Variants in SOX5 observed in about 807,000 individuals in gnomAD.
The protein encoded by SOX5 is transcription factor SOX-5.
Under a neutral mutation model 92.0 loss-of-function variants are expected in SOX5, and 9 were observed. The observed-to-expected ratio is 0.10, with a 90% CI of 0.06 to 0.17. The LOEUF (loss-of-function observed/expected upper bound fraction) is 0.17, where lower values mean the gene tolerates loss of function less well. SOX5 is among the 10% of genes least tolerant of loss of function. The pLI, the probability that SOX5 is intolerant of heterozygous loss-of-function variation, is 1.00. For missense variants in SOX5, 642 were observed against 944.5 expected, an observed-to-expected ratio of 0.68 and a Z score of 4.20; for synonymous variants, 344 against 336.3, an observed-to-expected ratio of 1.02 and a Z score of -0.25.
rs76835457 is a variant in SOX5, at chr12:23,688,679, C to T, written c.811-23115G>A. ...GGACACACTGCCCAAGTAATTGCTA[C>T]GAATTGGGCCTCAATTTTGCCATTT... On this transcript the variant is annotated intron_variant, in intron 6 of 14. Coordinates refer to ENST00000451604, the MANE Select transcript of SOX5 (RefSeq NM_006940.6). Among the ~76,000 whole-genome samples the T allele has an allele frequency of 3.5e-3, 529 of 152,120 alleles. 2 individuals carry two copies. The highest frequency in any genetic ancestry group is 0.01 in the Middle Eastern group (3 of 294).
At chr12:23,697,576 G>T (rs2090050794) in intron 6 of SOX5, among the ~76,000 whole-genome samples, 1 of 151,994 alleles carries the variant, frequency 6.6e-6, no homozygotes, top group East Asian at 1.9e-4. Flanking sequence ...TTAAAGGCAG[G>T]TTCTCACTCC....
chr12:23,846,258 T>C, intron 2 of SOX5, 65 bp from the exon 3 acceptor site: 1 of 1,254,132 alleles, frequency 8.0e-7, no homozygotes, highest in Non-Finnish European at 1.2e-6. Flanking sequence ...GGACAAATAA[T>C]TGTTTACCTG....
At chr12:23,882,547 T>G (rs1027732629) in intron 2 of SOX5, among the ~76,000 whole-genome samples, 12 of 152,166 alleles carry the variant, frequency 7.9e-5, no homozygotes, top group Admixed American at 6.5e-4. Flanking sequence ...TTTTCTCTGG[T>G]AAATGGTTTG....
chr12:23,746,044 A>C (rs960776925), intron 4 of SOX5, among the ~76,000 whole-genome samples: 2 of 152,206 alleles, frequency 1.3e-5, no homozygotes, highest in Admixed American at 6.6e-5. Flanking sequence ...TTTTGGCTTA[A>C]GAGAGTTGAG....
chr12:24,165,881 C>T (rs1325113241), intron 4 of SOX5, among the ~76,000 whole-genome samples: 1 of 151,752 alleles, frequency 6.6e-6, no homozygotes, highest in Admixed American at 6.6e-5. Flanking sequence ...AGGCAGGTCA[C>T]CAAAGGATGT....
At chr12:24,480,632 C>T (rs1348963314) in intron 1 of SOX5, among the ~76,000 whole-genome samples, 1 of 152,096 alleles carries the variant, frequency 6.6e-6, no homozygotes, top group African/African-American at 2.4e-5. Context: ...AAAAGACATA[C>T]AAATGGCTAA....
At chr12:24,525,867 G>C (rs1403275273) in intron 1 of SOX5, among the ~76,000 whole-genome samples, 1 of 150,338 alleles carries the variant, frequency 6.7e-6, no homozygotes, top group African/African-American at 2.5e-5. Flanking sequence ...AAAAAAAAAA[G>C]AGTAGCCAGT....
intron 1 of SOX5, among the ~76,000 whole-genome samples, chr12:24,535,617 TG>T (rs750755719): frequency 6.6e-6 from 1 of 152,208 alleles, no homozygotes; most frequent in Non-Finnish European, 1.5e-5. Flanking sequence ...GAAAACTTTC[TG>T]GACACTATAT....
intron 9 of SOX5, among the ~76,000 whole-genome samples, chr12:23,588,483 C>T (rs1592323234): frequency 6.6e-6 from 1 of 151,976 alleles, no homozygotes; most frequent in East Asian, 1.9e-4. Context: ...TTTAATTTTT[C>T]CCAGCCCATA....
chr12:24,171,723 T>G (rs980709631), intron 4 of SOX5, among the ~76,000 whole-genome samples: 1 of 151,966 alleles, frequency 6.6e-6, no homozygotes, highest in Non-Finnish European at 1.5e-5. Flanking sequence ...TTTGGCCAGG[T>G]GCAGTGGCTC....
intron 1 of SOX5, among the ~76,000 whole-genome samples, chr12:24,530,239 A>C (rs777796738): frequency 6.6e-6 from 1 of 152,202 alleles, no homozygotes; most frequent in South Asian, 2.1e-4. Flanking sequence ...TTTTATTCTC[A>C]CAAAAAATTC....
chr12:24,186,093 A>T (rs868139407), intron 4 of SOX5, among the ~76,000 whole-genome samples: 1 of 152,128 alleles, frequency 6.6e-6, no homozygotes, highest in Non-Finnish European at 1.5e-5. Flanking sequence ...ATAATCAGAA[A>T]GGAGAATTTA....
chr12:23,591,527 A>G (rs567380009), intron 9 of SOX5, among the ~76,000 whole-genome samples: 1 of 152,294 alleles, frequency 6.6e-6, no homozygotes, highest in African/African-American at 2.4e-5. Flanking sequence ...ATAGAAAAAG[A>G]TAAGCAAAAT....
chr12:24,502,460 G>C (rs1299089385), intron 1 of SOX5, among the ~76,000 whole-genome samples: 1 of 152,068 alleles, frequency 6.6e-6, no homozygotes, highest in Non-Finnish European at 1.5e-5. Flanking sequence ...TACATTGATG[G>C]AATATAACCT....
At chr12:24,103,686 C>T (rs1245332699) in intron 4 of SOX5, among the ~76,000 whole-genome samples, 4 of 152,118 alleles carry the variant, frequency 2.6e-5, no homozygotes, top group African/African-American at 9.7e-5. Context: ...ATTGTTTAAC[C>T]TATGAAAGAA....
intron 4 of SOX5, among the ~76,000 whole-genome samples, chr12:24,054,609 T>C (rs940647907): frequency 2.6e-5 from 4 of 152,212 alleles, no homozygotes; most frequent in Admixed American, 1.3e-4. Context: ...GCTCTGTCTG[T>C]GCCAACTCTA....
At chr12:23,668,126 G>A (rs1192200238) in intron 6 of SOX5, among the ~76,000 whole-genome samples, 8 of 152,150 alleles carry the variant, frequency 5.3e-5, no homozygotes, top group South Asian at 4.1e-4. Flanking sequence ...TGTGACTTAC[G>A]CAGAAGACTA....
At chr12:24,403,281 C>G (rs1336212974) in intron 1 of SOX5, among the ~76,000 whole-genome samples, 1 of 152,178 alleles carries the variant, frequency 6.6e-6, no homozygotes. Context: ...GCCACTCTCC[C>G]TAAGTATTGC....
chr12:24,200,517 C>T lies in SOX5; in HGVS notation c.-2+12826G>A, dbSNP rs541144648. On this transcript the variant is annotated intron_variant, in intron 4 of 4. Transcript: ENST00000446891. ...TTTTTTTTTTTTAATTTGATCTACGCTGCCGTGAAAACACGCACACTCATA... is the reference window on the plus strand; with the variant it reads ...TTTTTTTTTTTTAATTTGATCTACGTTGCCGTGAAAACACGCACACTCATA... Among the ~76,000 whole-genome samples the T allele has an allele frequency of 3.3e-5, 5 of 151,618 alleles. 1 individual carries two copies. The East Asian group carries it at 9.7e-4, about 29-fold the overall frequency.
Sources: gnomAD v4.1 joint callset for allele counts (sites outside exome capture counted in the v4.1 genomes callset) on GRCh38, gnomAD v4.1.1 for gene constraint, MANE v1.5 for transcripts, NCBI Gene and HGNC (gene_info 2026-07-23, HGNC 2026-07-21) for gene names.